KIAA1958: variants seen among roughly 807,000 people sequenced by gnomAD.
KIAA1958 encodes the protein uncharacterized protein KIAA1958.
In KIAA1958, 14 loss-of-function variants were observed where a neutral mutation model predicts 47.2. The observed-to-expected ratio is 0.30, with a 90% CI of 0.20 to 0.46. The LOEUF is 0.46. Among genes scored for constraint, KIAA1958 ranks in the 20% least tolerant of loss-of-function variants. The pLI, the probability that KIAA1958 is intolerant of heterozygous loss-of-function variation, is 1.00. For synonymous variants in KIAA1958, 354 were observed against 353.3 expected, an observed-to-expected ratio of 1.00 and a Z score of -0.02; for missense variants, 803 against 909.2, an observed-to-expected ratio of 0.88 and a Z score of 1.50.
intron 2 of KIAA1958, among the ~76,000 whole-genome samples, chr9:112,615,640 A>G (rs931858539): frequency 7.9e-5 from 12 of 152,148 alleles, no homozygotes; most frequent in Admixed American, 6.5e-5. Flanking sequence ...ACCCCTTCAT[A>G]TGTCCTAAAT....
chr9:112,657,287 G>C (rs1256420136), intron 3 of KIAA1958, among the ~76,000 whole-genome samples: 2 of 151,762 alleles, frequency 1.3e-5, no homozygotes, highest in East Asian at 3.9e-4. Flanking sequence ...TAGAGAAGGG[G>C]TTTCGCCATG....
At chr9:112,529,955 T>TCA (rs1834725517) in intron 1 of KIAA1958, among the ~76,000 whole-genome samples, 1 of 152,140 alleles carries the variant, frequency 6.6e-6, no homozygotes, top group Non-Finnish European at 1.5e-5. Flanking sequence ...ACCATTCTCC[T>TCA]GCCTCAGCCT....
At chr9:112,588,478 A>C (rs1835867665) in intron 2 of KIAA1958, among the ~76,000 whole-genome samples, 1 of 152,200 alleles carries the variant, frequency 6.6e-6, no homozygotes, top group South Asian at 2.1e-4. Context: ...TGTAAGCAGT[A>C]TTATTATTTT....
intron 2 of KIAA1958, among the ~76,000 whole-genome samples, chr9:112,602,152 A>G (rs1836145047): frequency 6.6e-6 from 1 of 152,158 alleles, no homozygotes; most frequent in Non-Finnish European, 1.5e-5. Flanking sequence ...TGACTTTTTA[A>G]TTTTATTTTA....
At position 112,659,749 on chromosome 9, in the gene KIAA1958, A is replaced by T; in HGVS notation, c.1831A>T (p.Arg611Ter). The T allele has an allele frequency of 6.2e-7, 1 of 1,614,156 alleles. No homozygotes were observed. ...VKRESRSGST[R>*]VCHGKIYHEH... is the part of the protein sequence containing the mutation. ...GCGGGAGAGTCGGAGCGGCTCCACCAGAGTGTGTCACGGGAAGATCTACCA... is the reference window on the plus strand; with the variant it reads ...GCGGGAGAGTCGGAGCGGCTCCACCTGAGTGTGTCACGGGAAGATCTACCA... Residue 611 changes from arginine to a stop codon, truncating the protein, a stop_gained, in exon 4 of 4, where the codon AGA (arginine) becomes TGA (stop). Transcript: ENST00000337530. LOFTEE classifies it high-confidence loss of function.
chr9:112,645,517 T>C, intron 2 of KIAA1958, 133 bp from the exon 3 acceptor site: 1 of 610,282 alleles, frequency 1.6e-6, no homozygotes, highest in Non-Finnish European at 2.9e-6. Flanking sequence ...TAGATATACA[T>C]ATACTTTAAT....
chr9:112,543,598 G>C (rs1488481161), intron 1 of KIAA1958, among the ~76,000 whole-genome samples: 1 of 134,548 alleles, frequency 7.4e-6, no homozygotes, highest in Non-Finnish European at 1.6e-5. Context: ...TTGAGACCCA[G>C]TTTTGCTCTT....
intron 1 of KIAA1958, among the ~76,000 whole-genome samples, chr9:112,544,050 T>TAA (rs1834989040): frequency 6.6e-6 from 1 of 152,214 alleles, no homozygotes; most frequent in Non-Finnish European, 1.5e-5. Flanking sequence ...TGTCTATGTC[T>TAA]CTATTGTCTT....
At chr9:112,643,884 A>G (rs1456697477) in intron 2 of KIAA1958, among the ~76,000 whole-genome samples, 1 of 152,200 alleles carries the variant, frequency 6.6e-6, no homozygotes, top group Non-Finnish European at 1.5e-5. Context: ...ATTGGCGCAA[A>G]GACCATGTGA....
chr9:112,599,755 G>A (rs1006436199), intron 2 of KIAA1958, among the ~76,000 whole-genome samples: 3 of 152,190 alleles, frequency 2.0e-5, no homozygotes, highest in African/African-American at 7.2e-5. Context: ...TTTGGAAATT[G>A]TATATGATGT....
At chr9:112,578,712 C>G (rs550058691) in intron 2 of KIAA1958, among the ~76,000 whole-genome samples, 3 of 152,010 alleles carry the variant, frequency 2.0e-5, no homozygotes, top group African/African-American at 7.2e-5. Flanking sequence ...ACTGCTCAAT[C>G]CAAATCTTAG....
intron 2 of KIAA1958, among the ~76,000 whole-genome samples, chr9:112,622,212 G>A (rs1377349534): frequency 1.3e-5 from 2 of 152,194 alleles, no homozygotes; most frequent in Non-Finnish European, 2.9e-5. Context: ...AAAATCAACA[G>A]TCCAGGAGAT....
intron 1 of KIAA1958, among the ~76,000 whole-genome samples, chr9:112,549,007 G>A (rs533671779): frequency 1.3e-5 from 2 of 152,158 alleles, no homozygotes; most frequent in Admixed American, 6.5e-5. Flanking sequence ...GCTTGGTCTC[G>A]GACCTTTAGC....
chr9:112,496,243 TAAAC>T (rs1263822474), intron 1 of KIAA1958, among the ~76,000 whole-genome samples: 3 of 152,216 alleles, frequency 2.0e-5, no homozygotes, highest in African/African-American at 4.8e-5. Flanking sequence ...ATGAGAATGA[TAAAC>T]AGTCTACAGC....
chr9:112,554,583 TA>T (rs1183314740), intron 1 of KIAA1958, among the ~76,000 whole-genome samples: 2 of 152,132 alleles, frequency 1.3e-5, no homozygotes, highest in Non-Finnish European at 2.9e-5. Flanking sequence ...TATCCATCAT[TA>T]AAAATTATGT....
chr9:112,600,411 G>A (rs1836110361), intron 2 of KIAA1958, among the ~76,000 whole-genome samples: 1 of 152,268 alleles, frequency 6.6e-6, no homozygotes, highest in East Asian at 1.9e-4. Flanking sequence ...GAACCATTGA[G>A]GAAAAACTTC....
intron 2 of KIAA1958, among the ~76,000 whole-genome samples, chr9:112,638,873 T>C (rs1836851438): frequency 6.6e-6 from 1 of 152,218 alleles, no homozygotes; most frequent in Admixed American, 6.5e-5. Flanking sequence ...ATCTATGTGT[T>C]ACACCTGCTT....
intron 3 of KIAA1958, among the ~76,000 whole-genome samples, chr9:112,647,460 CAA>C (rs1460664901): frequency 1.3e-5 from 2 of 150,284 alleles, no homozygotes; most frequent in Admixed American, 1.3e-4. Flanking sequence ...TTAAAAAAAA[CAA>C]AAAACAAACA....
intron 1 of KIAA1958, among the ~76,000 whole-genome samples, chr9:112,532,860 C>T (rs763462668): frequency 6.6e-6 from 1 of 152,162 alleles, no homozygotes; most frequent in Admixed American, 6.5e-5. Context: ...TAATGGCTCT[C>T]AAATAGCCCT....
Sources: gnomAD v4.1 joint callset for allele counts (sites outside exome capture counted in the v4.1 genomes callset) on GRCh38, gnomAD v4.1.1 for gene constraint, MANE v1.5 for transcripts, NCBI Gene and HGNC (gene_info 2026-07-23, HGNC 2026-07-21) for gene names.